ZBTB20: variants seen among roughly 807,000 people sequenced by gnomAD.
ZBTB20 encodes zinc finger and BTB domain-containing protein 20.
In ZBTB20, 9 loss-of-function variants were observed where a neutral mutation model predicts 56.9. The observed-to-expected ratio is 0.16, with a 90% confidence interval of 0.10 to 0.28. The LOEUF is 0.28. Among genes scored for constraint, ZBTB20 ranks in the 10% least tolerant of loss-of-function variants. The pLI, the probability that ZBTB20 is intolerant of heterozygous loss-of-function variation, is 1.00. For synonymous variants in ZBTB20, 417 were observed against 420.7 expected, an observed-to-expected ratio of 0.99 and a Z score of 0.11; for missense variants, 655 against 1,003.0, an observed-to-expected ratio of 0.65 and a Z score of 4.69.
At chr3:114,345,700 TG>T (rs1003121779) in intron 11 of ZBTB20, among the ~76,000 whole-genome samples, 8 of 151,264 alleles carry the variant, frequency 5.3e-5, no homozygotes, top group East Asian at 3.9e-4. Flanking sequence ...TTAGGATGTC[TG>T]GGGTGGGGGT....
At chr3:114,648,335 TA>T (rs2059956582) in intron 6 of ZBTB20, among the ~76,000 whole-genome samples, 1 of 151,986 alleles carries the variant, frequency 6.6e-6, no homozygotes, top group Non-Finnish European at 1.5e-5. Context: ...CTAAGCATTT[TA>T]TATACATTCT....
intron 4 of ZBTB20, among the ~76,000 whole-genome samples, chr3:114,823,432 T>C (rs2073359481): frequency 6.6e-6 from 1 of 152,004 alleles, no homozygotes; most frequent in African/African-American, 2.4e-5. Context: ...TAAGTTCATA[T>C]ATTTTCCAAA....
intron 4 of ZBTB20, among the ~76,000 whole-genome samples, chr3:114,802,710 T>C (rs1246839334): frequency 2.0e-5 from 3 of 151,880 alleles, no homozygotes; most frequent in East Asian, 1.9e-4. Flanking sequence ...AATATAAATA[T>C]ATTGAATAAC....
chr3:114,421,617 G>T (rs1053133059), intron 7 of ZBTB20, among the ~76,000 whole-genome samples: 3 of 152,126 alleles, frequency 2.0e-5, no homozygotes, highest in African/African-American at 7.2e-5. Flanking sequence ...CAAGCCTGCA[G>T]TAGGTATAGG....
intron 4 of ZBTB20, among the ~76,000 whole-genome samples, chr3:114,896,674 G>A (rs1406413482): frequency 2.0e-5 from 3 of 152,042 alleles, no homozygotes; most frequent in Non-Finnish European, 4.4e-5. Flanking sequence ...GTGTTATATA[G>A]AGATGTATTG....
chr3:115,128,064 A>G (rs190732126), intron 1 of ZBTB20, among the ~76,000 whole-genome samples: 30 of 152,338 alleles, frequency 2.0e-4, no homozygotes, highest in African/African-American at 7.2e-4. Flanking sequence ...AAAGAAAAAA[A>G]CAAAATTAAG....
intron 1 of ZBTB20, among the ~76,000 whole-genome samples, chr3:115,088,501 T>G (rs2083071474): frequency 6.6e-6 from 1 of 151,844 alleles, no homozygotes. Flanking sequence ...ATTTACAAAA[T>G]CATGATTATT....
chr3:115,001,041 T>A (rs1457943481), intron 2 of ZBTB20, among the ~76,000 whole-genome samples: 1 of 150,356 alleles, frequency 6.7e-6, no homozygotes, highest in African/African-American at 2.4e-5. Flanking sequence ...AGGAAAAAAA[T>A]TATATCTGAA....
At chr3:114,521,453 G>A (rs2046625756) in intron 6 of ZBTB20, among the ~76,000 whole-genome samples, 1 of 152,100 alleles carries the variant, frequency 6.6e-6, no homozygotes, top group African/African-American at 2.4e-5. Context: ...TTTATAGCCT[G>A]ATAAAGGTAG....
At chr3:114,519,547 A>G (rs554961615) in intron 6 of ZBTB20, 1 of 152,126 alleles carries the variant, frequency 6.6e-6, no homozygotes, top group Non-Finnish European at 1.5e-5. Flanking sequence ...TCCAGTTTCA[A>G]TGGGGAAACT....
chr3:114,776,159 T>A (rs6791036), intron 5 of ZBTB20, among the ~76,000 whole-genome samples: 1 of 150,874 alleles, frequency 6.6e-6, no homozygotes, highest in Non-Finnish European at 1.5e-5. Context: ...AAGGGAAGAA[T>A]GCAGAGCAGG....
chr3:114,771,892 A>G (rs1473830041), intron 5 of ZBTB20, among the ~76,000 whole-genome samples: 2 of 152,134 alleles, frequency 1.3e-5, no homozygotes, highest in South Asian at 4.1e-4. Context: ...TGGATTCCTA[A>G]CTATTGCATC....
intron 1 of ZBTB20, among the ~76,000 whole-genome samples, chr3:115,132,400 T>C (rs887324769): frequency 9.9e-5 from 15 of 152,204 alleles, no homozygotes; most frequent in Non-Finnish European, 1.0e-4. Context: ...CAATTTTTCT[T>C]ACTCATTTTT....
chr3:114,511,025 G>A (rs2045311548), intron 6 of ZBTB20, among the ~76,000 whole-genome samples: 1 of 151,346 alleles, frequency 6.6e-6, no homozygotes, highest in Admixed American at 6.6e-5. Context: ...ACATGATGGT[G>A]GTGGGTGATT....
intron 3 of ZBTB20, among the ~76,000 whole-genome samples, chr3:114,950,486 A>G (rs2077028465): frequency 6.6e-6 from 1 of 152,032 alleles, no homozygotes; most frequent in South Asian, 2.1e-4. Flanking sequence ...GAGATGATAA[A>G]ATTTGGGCTG....
Position 114,334,973 on chromosome 3 carries a change from T to C in ZBTB20, c.*4032A>G, listed in dbSNP as rs1405225952. ...CCAATTATTTTCTTTTTTAGGATTA[T>C]ATTTCACACATTTGGGGGCCTTTTT... On this transcript the variant is annotated 3_prime_UTR_variant, in exon 12 of 12. Transcript: ENST00000675478. 1 of 152,210 alleles carries C rather than the reference T, an allele frequency of 6.6e-6. No individual in the cohort carries two copies. The highest frequency in any genetic ancestry group is 1.5e-5 in the Non-Finnish European group (1 of 68,026). 9.4% of individuals were successfully genotyped at this position (152,210 alleles called of 1,614,324 possible). A position where few individuals can be genotyped will look rare whatever the true frequency, so the allele number is the denominator to read the frequency against.
chr3:114,989,282 G>A (rs2078694676), intron 2 of ZBTB20, among the ~76,000 whole-genome samples: 1 of 152,138 alleles, frequency 6.6e-6, no homozygotes, highest in Non-Finnish European at 1.5e-5. Context: ...TTTTGTATAA[G>A]GCGTAAGGAA....
chr3:114,856,403 G>A (rs564167973), intron 4 of ZBTB20, among the ~76,000 whole-genome samples: 1 of 152,204 alleles, frequency 6.6e-6, no homozygotes, highest in Non-Finnish European at 1.5e-5. Flanking sequence ...AGCAGCTGAT[G>A]CTAACAAGGA....
chr3:114,810,353 C>T (rs1212861438), intron 4 of ZBTB20, among the ~76,000 whole-genome samples: 1 of 152,172 alleles, frequency 6.6e-6, no homozygotes, highest in Non-Finnish European at 1.5e-5. Context: ...CTTCAGGCTA[C>T]ATATGATGTT....
Sources: gnomAD v4.1 joint callset for allele counts (sites outside exome capture counted in the v4.1 genomes callset) on GRCh38, gnomAD v4.1.1 for gene constraint, MANE v1.5 for transcripts, NCBI Gene and HGNC (gene_info 2026-07-23, HGNC 2026-07-21) for gene names.